The following LHX4 variants were observed in gnomAD, a reference collection of about 807,000 sequenced individuals.
LHX4 encodes LIM/homeobox protein Lhx4.
Under a neutral mutation model 39.2 loss-of-function variants are expected in LHX4, and 16 were observed. That is an observed-to-expected ratio of 0.41 (90% CI 0.28 to 0.62). The LOEUF is 0.62. LHX4 is among the 20% of genes least tolerant of loss of function. The pLI is 0.33. For synonymous variants in LHX4, 206 were observed against 198.1 expected, an observed-to-expected ratio of 1.04 and a Z score of -0.33; for missense variants, 439 against 511.9, an observed-to-expected ratio of 0.86 and a Z score of 1.37.
intron 1 of LHX4, among the ~76,000 whole-genome samples, chr1:180,245,910 C>T (rs1295041484): frequency 1.3e-5 from 2 of 152,064 alleles, no homozygotes; most frequent in Non-Finnish European, 2.9e-5. Flanking sequence ...CCCCTGTGGC[C>T]GTCATTGTTC....
At chr1:180,271,170 C>T (rs1648631003) in intron 3 of LHX4, 2 of 636,194 alleles carry the variant, frequency 3.1e-6, no homozygotes, top group South Asian at 1.8e-5. Flanking sequence ...GGACTGCTGT[C>T]CTCACTTTTC....
chr1:180,271,791 G>A (rs1204487160), intron 4 of LHX4, 44 bp from the exon 5 acceptor site: 1 of 1,608,352 alleles, frequency 6.2e-7, no homozygotes, highest in African/African-American at 1.3e-5. Context: ...CTTTGGGTTT[G>A]TGGTGGACGC....
At chr1:180,251,753 T>C (rs1647639466) in intron 2 of LHX4, among the ~76,000 whole-genome samples, 1 of 152,216 alleles carries the variant, frequency 6.6e-6, no homozygotes, top group African/African-American at 2.4e-5. Flanking sequence ...ACTTCCCTTG[T>C]TCCCGGCACT....
At position 180,277,372 on chromosome 1, in the gene LHX4, T is replaced by A. The variant is rs1314287248; in HGVS notation, c.*2793T>A. 1 of 152,206 alleles carries A rather than the reference T, an allele frequency of 6.6e-6. No individual in the cohort carries two copies. The highest frequency in any genetic ancestry group is 2.4e-5 in the African/African-American group (1 of 41,454). 9.4% of individuals were successfully genotyped at this position (152,206 alleles called of 1,614,324 possible). On this transcript the variant is annotated 3_prime_UTR_variant, in exon 6 of 6. Transcript: ENST00000263726. ...TGCTACATGGTAGCTGTTTCCCCCCTTGCTAAAATGACATGGATGAATTTT... is the reference window on the plus strand; with the variant it reads ...TGCTACATGGTAGCTGTTTCCCCCCATGCTAAAATGACATGGATGAATTTT...
At position 180,230,351 on chromosome 1, in the gene LHX4, C is replaced by CG. The variant is rs1664146586; in HGVS notation, c.-173dup. ...GGACTGGAAACAGACTGGGGACTGG[C>CG]GGGGGGAGGGGGCCGGCCAGCCTGT... On this transcript the variant is annotated 5_prime_UTR_variant, in exon 1 of 6. It introduces an in-frame stop codon into an upstream open reading frame of the 5' UTR. Transcript: ENST00000263726. This position sits in a 1 kb window ranked among gnomAD's most constrained non-coding sequence, Gnocchi z 5.8. The CG allele has an allele frequency of 2.5e-5, 16 of 644,382 alleles. No individual in the cohort carries two copies. The South Asian group carries it at 2.6e-4, about 11-fold the overall frequency. The allele number at this position is 644,382 out of a possible 1,614,324, so 39.9% of individuals were successfully genotyped here.
chr1:180,240,408 C>G (rs1256229917), intron 1 of LHX4, among the ~76,000 whole-genome samples: 2 of 152,148 alleles, frequency 1.3e-5, no homozygotes, highest in Non-Finnish European at 2.9e-5. Context: ...ATGGAAAGAT[C>G]TGAAATTCTG....
Position 180,230,419 on chromosome 1 carries a change from C to A in LHX4, c.-111C>A. On this transcript the variant is annotated 5_prime_UTR_variant, in exon 1 of 6. Coordinates refer to ENST00000263726, the MANE Select transcript of LHX4 (RefSeq NM_033343.4). This position sits in a 1 kb window ranked among gnomAD's most constrained non-coding sequence, Gnocchi z 5.8. Reference sequence around the variant, plus strand: ...GCGGAGGGCCCGGCTTCCACCGTGACTCCAGCGGCCTGCTTGGGGTTTTAA... The same window carrying A: ...GCGGAGGGCCCGGCTTCCACCGTGAATCCAGCGGCCTGCTTGGGGTTTTAA... The A allele has an allele frequency of 1.1e-6, 1 of 942,746 alleles. No homozygotes were observed. The highest frequency in any genetic ancestry group is 1.7e-6 in the Non-Finnish European group (1 of 602,286). The allele number at this position is 942,746 out of a possible 1,614,324, so 58.4% of individuals were successfully genotyped here.
At position 180,277,372 on chromosome 1, in the gene LHX4, T is replaced by C. The variant is rs1314287248; in HGVS notation, c.*2793T>C. ...TGCTACATGGTAGCTGTTTCCCCCC[T>C]TGCTAAAATGACATGGATGAATTTT... On this transcript the variant is annotated 3_prime_UTR_variant, in exon 6 of 6. Coordinates refer to ENST00000263726, the MANE Select transcript of LHX4 (RefSeq NM_033343.4). The C allele has an allele frequency of 1.3e-5, 2 of 152,206 alleles. No individual in the cohort carries two copies. Among genetic ancestry groups the C allele is most frequent in the Non-Finnish European group, 2.9e-5 (2 of 68,042 alleles). 9.4% of individuals were successfully genotyped at this position (152,206 alleles called of 1,614,324 possible).
intron 2 of LHX4, among the ~76,000 whole-genome samples, chr1:180,265,822 T>C (rs1239503230): frequency 6.6e-6 from 1 of 151,936 alleles, no homozygotes; most frequent in Non-Finnish European, 1.5e-5. Flanking sequence ...AGGGGAGAAA[T>C]GGAGGCAAAG....
At chr1:180,259,747 T>C (rs1374707312) in intron 2 of LHX4, among the ~76,000 whole-genome samples, 1 of 150,228 alleles carries the variant, frequency 6.7e-6, no homozygotes, top group Non-Finnish European at 1.5e-5. Flanking sequence ...GAGGGACAGG[T>C]GGGATCGCCC....
At chr1:180,241,582 C>T (rs1307904091) in intron 1 of LHX4, among the ~76,000 whole-genome samples, 1 of 151,982 alleles carries the variant, frequency 6.6e-6, no homozygotes, top group East Asian at 1.9e-4. Context: ...ATGATTATCC[C>T]CATTTTATAG....
At position 180,234,758 on chromosome 1, in the gene LHX4, A is replaced by G. The variant is rs916168646; in HGVS notation, c.76+4153A>G. Among the ~76,000 whole-genome samples the G allele has an allele frequency of 4.6e-5, 7 of 152,232 alleles. No homozygotes were observed. Among genetic ancestry groups the G allele is most frequent in the Non-Finnish European group, 7.3e-5 (5 of 68,028 alleles). ...CTGAGAAGAAGCAGGACCTAACTCA[A>G]GTTTATTTCCTCTCTTGGCCGAGGT... On this transcript the variant is annotated intron_variant, in intron 1 of 5. Coordinates refer to ENST00000263726, the MANE Select transcript of LHX4 (RefSeq NM_033343.4). The surrounding 1 kb of genome is among the most constrained non-coding windows in gnomAD (Gnocchi z 4.8).
At position 180,271,405 on chromosome 1, in the gene LHX4, G is replaced by T. The variant is rs1009287562; in HGVS notation, c.477G>T (p.Arg159=). The T allele has an allele frequency of 1.1e-5, 18 of 1,614,176 alleles. No homozygotes were observed. The highest frequency in any genetic ancestry group is 1.7e-5 in the Admixed American group (1 of 60,022). ...ATGACTCAGAGGCTGGAGCTAAGCG[G>T]CCCCGGACCACCATCACAGCCAAGC... ...QNDDSEAGAK[R]PRTTITAKQL... The change falls in exon 4 of 6, where the codon CGG becomes CGT. Residue 159 remains arginine, a synonymous_variant. Coordinates refer to ENST00000263726, the MANE Select transcript of LHX4 (RefSeq NM_033343.4).
At position 180,234,220 on chromosome 1, in the gene LHX4, T is replaced by TAAAA. The variant is rs1553278639; in HGVS notation, c.76+3617_76+3618insAAAA. On this transcript the variant is annotated intron_variant, in intron 1 of 5. Coordinates refer to ENST00000263726, the MANE Select transcript of LHX4 (RefSeq NM_033343.4). This position sits in a 1 kb window ranked among gnomAD's most constrained non-coding sequence, Gnocchi z 4.8. Reference sequence around the variant, plus strand: ...ATATATATATATATATATATATATATAATAGATTGAGATTCTATCATATTC... The same window carrying TAAAA: ...ATATATATATATATATATATATATATAAAAAATAGATTGAGATTCTATCATATTC... Among the ~76,000 whole-genome samples the TAAAA allele has an allele frequency of 6.3e-4, 44 of 70,206 alleles. No homozygotes were observed. Among genetic ancestry groups the TAAAA allele is most frequent in the African/African-American group, 3.2e-3 (42 of 13,246 alleles). 46.1% of individuals were successfully genotyped at this position (70,206 alleles called of 152,430 possible).
At chr1:180,272,072 G>A in intron 5 of LHX4, 66 bp downstream of exon 5, 1 of 1,447,616 alleles carries the variant, frequency 6.9e-7, no homozygotes, top group Non-Finnish European at 9.4e-7. Flanking sequence ...GTAATCCCTG[G>A]CACTCAGGAG....
At chr1:180,229,959 C>CGGAGGCGGGGGGGGGG (rs1238306398), upstream of LHX4, among the ~76,000 whole-genome samples, 5 of 22,742 alleles carry the variant, frequency 2.2e-4, no homozygotes, top group Admixed American at 6.8e-4. Context: ...GAGGCGGAGG[C>CGGAGGCGGGGGGGGGG]GGGGAGGGGG....
At chr1:180,267,636 G>A (rs1168136525) in intron 3 of LHX4, among the ~76,000 whole-genome samples, 1 of 152,188 alleles carries the variant, frequency 6.6e-6, no homozygotes, top group East Asian at 1.9e-4. Flanking sequence ...AAGTTCCTTG[G>A]CCTTTGACTA....
intron 1 of LHX4, among the ~76,000 whole-genome samples, chr1:180,242,497 T>G (rs1372094846): frequency 1.3e-5 from 2 of 152,190 alleles, no homozygotes; most frequent in East Asian, 3.9e-4. Context: ...TATATCTGTG[T>G]GTATATATAT....
At chr1:180,251,068 C>T (rs1404644489) in intron 2 of LHX4, among the ~76,000 whole-genome samples, 3 of 152,220 alleles carry the variant, frequency 2.0e-5, no homozygotes, top group Non-Finnish European at 4.4e-5. Flanking sequence ...TGCAACCCTT[C>T]CCACCCGGTG....
Sources: allele counts gnomAD v4.1 joint callset (sites outside exome capture counted in the v4.1 genomes callset), GRCh38; gene constraint gnomAD v4.1.1; non-coding constraint Gnocchi (gnomAD v3.1); transcripts MANE v1.5; gene names NCBI Gene and HGNC (gene_info 2026-07-23, HGNC 2026-07-21).